Variants in NEK9 observed in about 807,000 individuals in gnomAD.
NEK9 encodes serine/threonine-protein kinase Nek9.
Under a neutral mutation model 123.4 loss-of-function variants are expected in NEK9, and 75 were observed. That is an observed-to-expected ratio of 0.61 (90% CI 0.50 to 0.74). The LOEUF (loss-of-function observed/expected upper bound fraction) is 0.74, where lower values mean the gene tolerates loss of function less well. NEK9 is among the 30% of genes least tolerant of loss of function. The probability of loss-of-function intolerance (pLI) is 0.00; values close to 1 mark genes in which losing one functional copy is unlikely to be tolerated. For missense variants in NEK9, 952 were observed against 1,214.4 expected, an observed-to-expected ratio of 0.78 and a Z score of 3.21; for synonymous variants, 438 against 458.7, an observed-to-expected ratio of 0.95 and a Z score of 0.58.
chr14:75,117,146 A>G, intron 6 of NEK9, 49 bp downstream of exon 6: 3 of 1,586,724 alleles, frequency 1.9e-6, no homozygotes, highest in Non-Finnish European at 2.6e-6. Flanking sequence ...GTCAAGCTGT[A>G]CCATTTGCAA....
chr14:75,089,532 T>C (rs947812487), intron 19 of NEK9, among the ~76,000 whole-genome samples: 2 of 150,442 alleles, frequency 1.3e-5, no homozygotes, highest in Non-Finnish European at 3.0e-5. Context: ...CCCAGCCTTA[T>C]TTATTTATCT....
intron 4 of NEK9, among the ~76,000 whole-genome samples, chr14:75,119,350 C>A (rs76790749): frequency 0.022 from 3,422 of 152,176 alleles, 84 homozygotes; most frequent in African/African-American, 0.055. Flanking sequence ...AAGAGTGTTA[C>A]CATTGCTCAT....
intron 1 of NEK9, among the ~76,000 whole-genome samples, chr14:75,125,047 T>G (rs1895475954): frequency 6.6e-6 from 1 of 151,926 alleles, no homozygotes; most frequent in South Asian, 2.1e-4. Context: ...GTGTTGGGAT[T>G]ATAGGCATGA....
intron 7 of NEK9, 70 bp from the exon 8 acceptor site, chr14:75,113,473 T>A: frequency 9.1e-7 from 1 of 1,102,922 alleles, no homozygotes; most frequent in Non-Finnish European, 1.4e-6. Flanking sequence ...AGATGTTAAT[T>A]AGTCAAAGAC....
At chr14:75,091,951 G>A (rs73309791) in intron 18 of NEK9, among the ~76,000 whole-genome samples, 2,708 of 152,100 alleles carry the variant, frequency 0.018, 85 homozygotes, top group African/African-American at 0.063. Context: ...CTCCCTGTCC[G>A]GGGAAAATCT....
At chr14:75,093,610 T>C (rs547369991) in intron 18 of NEK9, among the ~76,000 whole-genome samples, 50 of 152,102 alleles carry the variant, frequency 3.3e-4, no homozygotes, top group Non-Finnish European at 2.6e-4. Context: ...TGCACCACCA[T>C]GCCTGGCTAA....
chr14:75,103,680 A>G (rs1240242044), intron 14 of NEK9, among the ~76,000 whole-genome samples, 162 bp downstream of exon 14: 1 of 152,248 alleles, frequency 6.6e-6, no homozygotes, highest in African/African-American at 2.4e-5. Context: ...AGAGCTATAT[A>G]GCATGTACTC....
At chr14:75,088,379 G>T in intron 20 of NEK9, 101 bp downstream of exon 20, 1 of 1,143,912 alleles carries the variant, frequency 8.7e-7, no homozygotes, top group Admixed American at 2.1e-5. Flanking sequence ...GTTGATGCAG[G>T]GCAGCTGAAA....
intron 9 of NEK9, 41 bp from the exon 10 acceptor site, chr14:75,109,918 A>G (rs1405952911): frequency 1.3e-6 from 2 of 1,542,638 alleles, no homozygotes; most frequent in African/African-American, 2.8e-5. Flanking sequence ...TTAACATTAA[A>G]AACAATATCA....
In NEK9 at chr14:75,088,393, A is replaced by G. The variant is rs959494087; in HGVS notation, c.2604+87T>C. On this transcript the variant is annotated intron_variant, in intron 20 of 21. Coordinates refer to ENST00000238616, the MANE Select transcript of NEK9 (RefSeq NM_033116.6). Reference sequence around the variant, plus strand: ...AGTTGATGCAGGGCAGCTGAAACCCAAAAGCTAGAGCGAGGCCAGAAGAAC... The same window carrying G: ...AGTTGATGCAGGGCAGCTGAAACCCGAAAGCTAGAGCGAGGCCAGAAGAAC... 5.0e-6 allele frequency: 7 copies of G among 1,405,954 alleles called. No homozygotes were observed. The African/African-American group carries it at 1.0e-4, about 20-fold the overall frequency. The allele number at this position is 1,405,954 out of a possible 1,614,324, so 87.1% of individuals were successfully genotyped here.
chr14:75,112,920 C>A (rs1002164978), intron 8 of NEK9, among the ~76,000 whole-genome samples: 5 of 152,184 alleles, frequency 3.3e-5, no homozygotes, highest in Non-Finnish European at 5.9e-5. Context: ...ACTTTTTATG[C>A]GTTATCTTCT....
intron 14 of NEK9, among the ~76,000 whole-genome samples, chr14:75,103,473 C>A (rs1364495795): frequency 2.0e-5 from 3 of 152,110 alleles, no homozygotes; most frequent in African/African-American, 7.2e-5. Flanking sequence ...TAACACACTG[C>A]AAAATATCAC....
Position 75,097,271 on chromosome 14 carries a change from C to G in NEK9, c.2003-1G>C. The G allele has an allele frequency of 6.3e-7, 1 of 1,590,818 alleles. No individual in the cohort carries two copies. Among genetic ancestry groups the G allele is most frequent in the Non-Finnish European group, 8.6e-7 (1 of 1,169,496 alleles). On this transcript the variant is annotated splice_acceptor_variant, in intron 16 of 21. Coordinates refer to ENST00000238616, the MANE Select transcript of NEK9 (RefSeq NM_033116.6). LOFTEE classifies it high-confidence loss of function. ...TTGCCCCAGGCAAAAATGTGATTAT[C>G]TAGGAAAAAAGTTAAACAGTAGACC...
rs756721735 is a variant in NEK9 at position 75,121,128 on chromosome 14, A to T, written c.444T>A (p.Phe148Leu). 1.9e-6 allele frequency: 3 copies of T among 1,612,956 alleles called. No individual in the cohort carries two copies. In the South Asian group the frequency reaches 3.3e-5, roughly 18 times the overall value. Reference protein sequence around the residue: ...DKILRQKDKLFEEEMVVWYLF... With the variant: ...DKILRQKDKLLEEEMVVWYLF... ...CAGAAATATGAATTACCTCTTCCTC[A>T]AACAACTTGTCCTTCTGACGAAGGA... The change falls in exon 3 of 22, where the codon TTT becomes TTA. Residue 148 changes from phenylalanine (F) to leucine (L), a missense_variant. Physicochemically the swap from Phe to Leu is conservative, Grantham distance 22. This residue lies in a region of NEK9 where 106 missense variants were observed against 153.0 expected (regional missense o/e 0.69). Transcript: ENST00000238616.
At chr14:75,105,558 T>C (rs1001456035) in intron 13 of NEK9, among the ~76,000 whole-genome samples, 3 of 152,252 alleles carry the variant, frequency 2.0e-5, no homozygotes. Flanking sequence ...TAATATTTCA[T>C]CTGGTGGTCA....
At position 75,095,279 on chromosome 14, in the gene NEK9, C is replaced by T. The variant is rs1004544678; in HGVS notation, c.2233+93G>A. On this transcript the variant is annotated intron_variant, in intron 18 of 21. Transcript: ENST00000238616. ...TATTCCTCACTTCCCAAAGACATTT[C>T]CCATTTTCCTTTGGGTTTTGGAGTC... is the stretch of plus-strand genomic sequence containing the variant. The T allele has an allele frequency of 5.0e-5, 39 of 786,484 alleles. No homozygotes were observed. In the African/African-American group the frequency reaches 6.0e-4, roughly 12 times the overall value. 48.7% of individuals were successfully genotyped at this position (786,484 alleles called of 1,614,324 possible). A position where few individuals can be genotyped will look rare whatever the true frequency, so the allele number is the denominator to read the frequency against.
At chr14:75,124,244 A>G (rs1895440672) in intron 1 of NEK9, 21 bp from the exon 2 acceptor site, 3 of 1,604,318 alleles carry the variant, frequency 1.9e-6, no homozygotes, top group Non-Finnish European at 1.7e-6. Context: ...TAACAGAGGT[A>G]TCGTGCTTTT....
intron 10 of NEK9, 69 bp from the exon 11 acceptor site, chr14:75,107,556 A>G (rs1268816106): frequency 1.5e-6 from 2 of 1,339,214 alleles, no homozygotes; most frequent in African/African-American, 1.5e-5. Context: ...TTTTAAAGAG[A>G]TGGGTTCTCG....
intron 4 of NEK9, among the ~76,000 whole-genome samples, chr14:75,119,882 C>A (rs371616427): frequency 3.3e-5 from 5 of 152,270 alleles, no homozygotes; most frequent in African/African-American, 1.2e-4. Context: ...AAAATAACAA[C>A]ATGCAACAGA....
Sources: allele counts gnomAD v4.1 joint callset (sites outside exome capture counted in the v4.1 genomes callset), GRCh38; gene constraint gnomAD v4.1.1; regional missense constraint gnomAD v4.1.1; transcripts MANE v1.5; gene names NCBI Gene and HGNC (gene_info 2026-07-23, HGNC 2026-07-21).